Variants in CNTN6 observed in about 807,000 individuals in gnomAD.
CNTN6 encodes contactin-6.
In CNTN6, 137 loss-of-function variants were observed where a neutral mutation model predicts 122.8. The observed-to-expected ratio is 1.12, with a 90% confidence interval of 0.97 to 1.29. CNTN6 has a LOEUF of 1.29. Ranked by LOEUF, CNTN6 falls within the 50% of genes most tolerant of loss-of-function variation. The pLI, the probability that CNTN6 is intolerant of heterozygous loss-of-function variation, is 0.00. For synonymous variants in CNTN6, 570 were observed against 426.0 expected (o/e 1.34, Z -4.16); for missense variants, 1,634 against 1,223.4 (o/e 1.34, Z -5.01).
chr3:1,384,808 CACACAT>C (rs1559990638), intron 19 of CNTN6, among the ~76,000 whole-genome samples: 4 of 135,958 alleles, frequency 2.9e-5, no homozygotes, highest in African/African-American at 1.0e-4. Context: ...CACACACACA[CACACAT>C]ATATATATAT....
intron 11 of CNTN6, among the ~76,000 whole-genome samples, chr3:1,345,069 T>C (rs1182095679): frequency 6.6e-6 from 1 of 152,142 alleles, no homozygotes; most frequent in Non-Finnish European, 1.5e-5. Context: ...GAATTTTGCC[T>C]GGACAGGGGT....
chr3:1,361,236 A>G (rs1707419292), intron 12 of CNTN6, among the ~76,000 whole-genome samples: 1 of 152,148 alleles, frequency 6.6e-6, no homozygotes, highest in African/African-American at 2.4e-5. Context: ...ATTTGGACCA[A>G]CTGTTGATAA....
chr3:1,275,605 T>C (rs12374025), intron 4 of CNTN6, among the ~76,000 whole-genome samples: 76,248 of 151,988 alleles, frequency 0.5, 21,294 homozygotes, highest in Non-Finnish European at 0.66. Context: ...AAATATGGTG[T>C]ATATGCTTAT....
intron 17 of CNTN6, among the ~76,000 whole-genome samples, chr3:1,379,036 AG>A (rs915193398): frequency 6.6e-6 from 1 of 152,152 alleles, no homozygotes; most frequent in African/African-American, 2.4e-5. Flanking sequence ...CATAGTGTAC[AG>A]GAAGTTTTGC....
intron 17 of CNTN6, among the ~76,000 whole-genome samples, chr3:1,382,012 A>AAGAG (rs1332251840): frequency 6.6e-6 from 1 of 152,110 alleles, no homozygotes; most frequent in East Asian, 1.9e-4. Flanking sequence ...CCCATGAATA[A>AAGAG]AGAGAACCTC....
intron 4 of CNTN6, among the ~76,000 whole-genome samples, chr3:1,260,035 T>A (rs1326562777): frequency 2.0e-5 from 3 of 152,152 alleles, no homozygotes; most frequent in Non-Finnish European, 4.4e-5. Flanking sequence ...ATGTAGGCCA[T>A]GCCTCTGTCT....
chr3:1,315,520 G>C (rs1276945275), intron 7 of CNTN6, among the ~76,000 whole-genome samples: 1 of 152,022 alleles, frequency 6.6e-6, no homozygotes, highest in Non-Finnish European at 1.5e-5. Flanking sequence ...ATTGTTAGCA[G>C]CTGCAAGCTG....
chr3:1,260,777 A>G (rs2094832992), intron 4 of CNTN6, among the ~76,000 whole-genome samples: 1 of 151,768 alleles, frequency 6.6e-6, no homozygotes, highest in South Asian at 2.1e-4. Context: ...TTTGCTTGGT[A>G]CCTCTACCTG....
intron 7 of CNTN6, chr3:1,298,205 C>T (rs1199139588): frequency 4.1e-6 from 2 of 486,532 alleles, no homozygotes; most frequent in Non-Finnish European, 7.3e-6. Flanking sequence ...GGCTGCAATT[C>T]TTCCCTACAG....
intron 4 of CNTN6, among the ~76,000 whole-genome samples, chr3:1,251,646 T>G (rs891901280): frequency 2.6e-5 from 4 of 152,062 alleles, no homozygotes; most frequent in African/African-American, 7.2e-5. Context: ...ACATCAGTGG[T>G]CCATTCAGTG....
intron 2 of CNTN6, among the ~76,000 whole-genome samples, chr3:1,168,986 G>C (rs998803717): frequency 6.6e-6 from 1 of 152,060 alleles, no homozygotes; most frequent in African/African-American, 2.4e-5. Flanking sequence ...TTAAAAAGGC[G>C]TATTCCTGGC....
intron 2 of CNTN6, among the ~76,000 whole-genome samples, chr3:1,191,437 G>A (rs1021117548): frequency 2.6e-5 from 4 of 152,132 alleles, no homozygotes; most frequent in African/African-American, 9.7e-5. Flanking sequence ...TATGAGGTTT[G>A]GAAAGTTTCT....
At chr3:1,386,885 A>AAAG (rs1693063597) in intron 20 of CNTN6, among the ~76,000 whole-genome samples, 1 of 152,124 alleles carries the variant, frequency 6.6e-6, no homozygotes, top group African/African-American at 2.4e-5. Context: ...AAGTTATATT[A>AAAG]AAGTTATTCC....
At chr3:1,375,221 C>T (rs2126149656) in intron 16 of CNTN6, among the ~76,000 whole-genome samples, 1 of 152,170 alleles carries the variant, frequency 6.6e-6, no homozygotes, top group East Asian at 1.9e-4. Context: ...TGTTTGTTTA[C>T]AGTTGATTTA....
intron 4 of CNTN6, among the ~76,000 whole-genome samples, chr3:1,264,376 T>C (rs2094894294): frequency 6.6e-6 from 1 of 152,160 alleles, no homozygotes; most frequent in African/African-American, 2.4e-5. Flanking sequence ...CAAATTATAA[T>C]GCAATGCAAG....
At chr3:1,143,275 T>G (rs1334061389) in intron 1 of CNTN6, among the ~76,000 whole-genome samples, 1 of 152,068 alleles carries the variant, frequency 6.6e-6, no homozygotes, top group Non-Finnish European at 1.5e-5. Context: ...AATTATTACT[T>G]TTGTACTGAG....
At chr3:1,370,435 T>C (rs1359999242) in intron 12 of CNTN6, among the ~76,000 whole-genome samples, 1 of 152,038 alleles carries the variant, frequency 6.6e-6, no homozygotes, top group African/African-American at 2.4e-5. Context: ...CCAACATGGA[T>C]CCCTGGATAT....
intron 17 of CNTN6, among the ~76,000 whole-genome samples, 175 bp from the exon 18 acceptor site, chr3:1,382,767 T>A (rs1692106142): frequency 6.6e-6 from 1 of 152,238 alleles, no homozygotes. Flanking sequence ...TATCTTTAAC[T>A]GGGATCATTT....
intron 11 of CNTN6, among the ~76,000 whole-genome samples, chr3:1,337,912 A>G (rs1319145392): frequency 6.6e-6 from 1 of 151,762 alleles, no homozygotes; most frequent in African/African-American, 2.4e-5. Context: ...CCCTTTCTTT[A>G]TCCCCACTGA....
Sources: allele counts gnomAD v4.1 joint callset (sites outside exome capture counted in the v4.1 genomes callset), GRCh38; gene constraint gnomAD v4.1.1; transcripts MANE v1.5; gene names NCBI Gene and HGNC (gene_info 2026-07-23, HGNC 2026-07-21).